The following CPNE8 variants were observed in gnomAD, a reference collection of about 807,000 sequenced individuals.
CPNE8 encodes the protein copine 8, also known as copine-8.
A neutral mutation model predicts 81.5 loss-of-function variants in CPNE8; 45 were observed. The ratio of observed to expected loss-of-function variants is 0.55; its 90% CI spans 0.44 to 0.71. The LOEUF is 0.71. CPNE8 is among the 30% of genes least tolerant of loss of function. The pLI is 0.00. For missense variants in CPNE8, 594 were observed against 672.1 expected (o/e 0.88, Z 1.28); for synonymous variants, 252 against 226.3 (o/e 1.11, Z -1.02).
chr12:38,796,812 C>A (rs139575229), intron 6 of CPNE8, among the ~76,000 whole-genome samples: 1 of 152,018 alleles, frequency 6.6e-6, no homozygotes, highest in African/African-American at 2.4e-5. Context: ...GGGTGACAGG[C>A]GGCACCTGGA....
intron 6 of CPNE8, among the ~76,000 whole-genome samples, chr12:38,827,312 C>A (rs1291951391): frequency 6.6e-6 from 1 of 151,904 alleles, no homozygotes; most frequent in Non-Finnish European, 1.5e-5. Flanking sequence ...ACTAAAAAGT[C>A]AAAAAATAAC....
At position 38,654,029 on chromosome 12, in the gene CPNE8, G is replaced by A. The variant is rs772327792; in HGVS notation, c.1548C>T (p.His516=). The change falls in exon 20 of 20, where the codon CAC becomes CAT. Residue 516 remains histidine (H), a synonymous_variant. Coordinates refer to ENST00000331366, the MANE Select transcript of CPNE8 (RefSeq NM_153634.3). ...TAGCCAATCTAGCCATGCTCAGTAT[G>A]TGGTTTCCACTTCTGTCAATATAAT... The part of the protein sequence containing the change: ...FRDYIDRSGN[H]ILSMARLAKD... 6.2e-7 allele frequency: 1 copy of A among 1,612,120 alleles called. No individual in the cohort carries two copies. The highest frequency in any genetic ancestry group is 8.5e-7 in the Non-Finnish European group (1 of 1,179,260).
At chr12:38,703,465 T>G (rs1940003490) in intron 13 of CPNE8, among the ~76,000 whole-genome samples, 1 of 152,020 alleles carries the variant, frequency 6.6e-6, no homozygotes. Context: ...CACGAAATAA[T>G]AAGGGCCGTC....
At chr12:38,800,918 T>C (rs1345086781) in intron 6 of CPNE8, among the ~76,000 whole-genome samples, 1 of 124,334 alleles carries the variant, frequency 8.0e-6, no homozygotes, top group East Asian at 2.4e-4. Flanking sequence ...CAATGGAAGA[T>C]GAAATGAATG....
At chr12:38,703,150 T>A (rs561095687) in intron 13 of CPNE8, among the ~76,000 whole-genome samples, 13 of 152,264 alleles carry the variant, frequency 8.5e-5, no homozygotes, top group African/African-American at 3.1e-4. Flanking sequence ...CAATGAAAAC[T>A]AAAGTCTCGG....
intron 1 of CPNE8, among the ~76,000 whole-genome samples, chr12:38,903,873 A>G (rs1944524971): frequency 6.6e-6 from 1 of 152,210 alleles, no homozygotes; most frequent in South Asian, 2.1e-4. Flanking sequence ...GCAATGAGGC[A>G]AGAGCTTAAT....
intron 10 of CPNE8, among the ~76,000 whole-genome samples, chr12:38,731,633 T>C (rs1032270308): frequency 6.6e-6 from 1 of 151,900 alleles, no homozygotes; most frequent in Non-Finnish European, 1.5e-5. Context: ...TGACCTCTTC[T>C]AGATTTAAAT....
At chr12:38,843,925 A>C (rs1293099428) in intron 4 of CPNE8, among the ~76,000 whole-genome samples, 1 of 152,166 alleles carries the variant, frequency 6.6e-6, no homozygotes, top group African/African-American at 2.4e-5. Flanking sequence ...TTTTAAAATA[A>C]AAAGTACCTA....
At chr12:38,684,285 T>C (rs1250235882) in intron 16 of CPNE8, among the ~76,000 whole-genome samples, 3 of 152,236 alleles carry the variant, frequency 2.0e-5, no homozygotes, top group South Asian at 4.1e-4. Context: ...GAGATCAATT[T>C]TGGGGGCCAA....
At position 38,829,469 on chromosome 12, in the gene CPNE8, A is replaced by G. The variant is rs1336992496; in HGVS notation, c.331-14T>C. On this transcript the variant is annotated splice_polypyrimidine_tract_variant and intron_variant, in intron 5 of 19. Transcript: ENST00000331366. Reference sequence around the variant, plus strand: ...TCCCAGAAAGTCCTGAAATAGATAAAAAGATTAAAGCTCATAAGTTTCCAA... The same window carrying G: ...TCCCAGAAAGTCCTGAAATAGATAAGAAGATTAAAGCTCATAAGTTTCCAA... The G allele has an allele frequency of 6.3e-6, 10 of 1,580,546 alleles. No homozygotes were observed. Among genetic ancestry groups the G allele is most frequent in the Non-Finnish European group, 8.7e-6 (10 of 1,149,802 alleles).
chr12:38,721,048 T>A (rs2136738501), intron 13 of CPNE8: 1 of 152,948 alleles, frequency 6.5e-6, no homozygotes, highest in East Asian at 1.9e-4. Context: ...TTCTCCCTGC[T>A]GTTGGCTTCC....
intron 6 of CPNE8, among the ~76,000 whole-genome samples, chr12:38,805,641 A>T (rs12822533): frequency 5.9e-5 from 4 of 67,682 alleles, no homozygotes; most frequent in Non-Finnish European, 1.1e-4. Context: ...TGCACATGTA[A>T]CCTAAAACTT....
intron 16 of CPNE8, among the ~76,000 whole-genome samples, chr12:38,683,256 T>C (rs189485747): frequency 1.3e-5 from 2 of 152,220 alleles, no homozygotes; most frequent in Admixed American, 1.3e-4. Flanking sequence ...TTTACCCACA[T>C]AGAAAATATA....
rs565660139 is a variant in CPNE8 at position 38,829,413 on chromosome 12, C to G, written c.373G>C (p.Gly125Arg). The change falls in exon 6 of 20, where the codon GGT becomes CGT. Residue 125 changes from glycine (G) to arginine (R), a missense_variant. Coordinates refer to ENST00000331366, the MANE Select transcript of CPNE8 (RefSeq NM_153634.3). Reference protein sequence around the residue: ...QVFCTLGEIVGSQGSRLEKPI... With the variant: ...QVFCTLGEIVRSQGSRLEKPI... ...TTTTCCAGGCGACTTCCCTGTGAAC[C>G]AACGATCTCTCCCAATGTACAAAAC... The G allele has an allele frequency of 1.9e-6, 3 of 1,613,346 alleles. No homozygotes were observed. Among genetic ancestry groups the G allele is most frequent in the South Asian group, 2.2e-5 (2 of 91,054 alleles).
intron 1 of CPNE8, among the ~76,000 whole-genome samples, chr12:38,875,925 C>G (rs1288549720): frequency 6.6e-6 from 1 of 152,170 alleles, no homozygotes; most frequent in Non-Finnish European, 1.5e-5. Flanking sequence ...ATTTATTATA[C>G]AAAGGTAGTT....
At chr12:38,805,962 A>G (rs1942791134) in intron 6 of CPNE8, among the ~76,000 whole-genome samples, 1 of 150,262 alleles carries the variant, frequency 6.7e-6, no homozygotes. Flanking sequence ...CCATCAGAGA[A>G]TACTACAAAC....
rs188205094 is a variant in CPNE8, at chr12:38,837,882, T to A, written c.330+2034A>T. Among the ~76,000 whole-genome samples, 55 of 152,238 alleles carry A rather than the reference T, an allele frequency of 3.6e-4. No individual in the cohort carries two copies. In the East Asian group the frequency reaches 7.5e-3, roughly 21 times the overall value. On this transcript the variant is annotated intron_variant, in intron 5 of 19. Transcript: ENST00000331366. ...ATTTCTTACGATGAGAAGATAAAATTTTCTTATGAAAATAAAAGTATTTCT... is the reference window on the plus strand; with the variant it reads ...ATTTCTTACGATGAGAAGATAAAATATTCTTATGAAAATAAAAGTATTTCT...
At chr12:38,717,871 G>T (rs1049345241) in intron 13 of CPNE8, among the ~76,000 whole-genome samples, 1 of 151,836 alleles carries the variant, frequency 6.6e-6, no homozygotes, top group Non-Finnish European at 1.5e-5. Flanking sequence ...GCCACCTTAA[G>T]CCAGCAACAA....
chr12:38,793,711 GAAAA>G (rs536333206), intron 6 of CPNE8, among the ~76,000 whole-genome samples: 1 of 151,172 alleles, frequency 6.6e-6, no homozygotes, highest in Non-Finnish European at 1.5e-5. Flanking sequence ...GAAATAAATA[GAAAA>G]AAAATCAATC....
Sources: gnomAD v4.1 joint callset for allele counts (sites outside exome capture counted in the v4.1 genomes callset) on GRCh38, gnomAD v4.1.1 for gene constraint, MANE v1.5 for transcripts, NCBI Gene and HGNC (gene_info 2026-07-23, HGNC 2026-07-21) for gene names.